SENP1: variants seen among roughly 807,000 people sequenced by gnomAD.
The protein encoded by SENP1 is SUMO specific peptidase 1.
SENP1 carries 21 observed loss-of-function variants against 93.0 expected under a neutral mutation model. The observed-to-expected ratio is 0.23, with a 90% CI of 0.16 to 0.33. The LOEUF is 0.33. Ranked by LOEUF, SENP1 falls within the 10% of genes least tolerant of loss-of-function variation. The pLI, the probability that SENP1 is intolerant of heterozygous loss-of-function variation, is 1.00. For synonymous variants in SENP1, 256 were observed against 259.6 expected (o/e 0.99, Z 0.13); for missense variants, 591 against 758.7 (o/e 0.78, Z 2.60).
intron 9 of SENP1, among the ~76,000 whole-genome samples, chr12:48,067,886 A>T (rs1943406629): frequency 6.6e-6 from 1 of 151,368 alleles, no homozygotes; most frequent in South Asian, 2.1e-4. Flanking sequence ...TTGTTTTTTG[A>T]CTCTCACTCT....
chr12:48,093,977 A>T (rs1489906396), intron 4 of SENP1, among the ~76,000 whole-genome samples: 1 of 152,170 alleles, frequency 6.6e-6, no homozygotes, highest in East Asian at 1.9e-4. Flanking sequence ...AAATTAAAAT[A>T]AAAATACTGA....
chr12:48,105,348 G>C (rs2408955), intron 1 of SENP1: 6 of 517,418 alleles, frequency 1.2e-5, no homozygotes, highest in African/African-American at 1.2e-4. Flanking sequence ...ACGAGGCATA[G>C]ATCCAGAGAT....
intron 13 of SENP1, among the ~76,000 whole-genome samples, chr12:48,059,944 T>C (rs972286245): frequency 1.3e-5 from 2 of 152,182 alleles, no homozygotes; most frequent in Non-Finnish European, 2.9e-5. Context: ...GCTCTAAGAC[T>C]GCTGATTCCT....
intron 3 of SENP1, 32 bp from the exon 4 acceptor site, chr12:48,096,459 C>A (rs1565807766): frequency 2.8e-5 from 38 of 1,348,972 alleles, no homozygotes; most frequent in Admixed American, 2.2e-4. Flanking sequence ...TCTTAAGTCA[C>A]ATTTTTTTTT....
intron 5 of SENP1, among the ~76,000 whole-genome samples, chr12:48,084,096 G>A (rs1310544333): frequency 1.3e-5 from 2 of 152,114 alleles, no homozygotes; most frequent in African/African-American, 4.8e-5. Context: ...AAAAACCTGG[G>A]TTCCAGGTAT....
At chr12:48,104,285 A>AGGGG (rs1946267630) in intron 1 of SENP1, among the ~76,000 whole-genome samples, 1 of 104,052 alleles carries the variant, frequency 9.6e-6, no homozygotes, top group Admixed American at 1.1e-4. Flanking sequence ...GGAGGGAGGG[A>AGGGG]GAGAGAGAGA....
At chr12:48,060,301 C>T (rs532909215) in intron 13 of SENP1, among the ~76,000 whole-genome samples, 6 of 152,186 alleles carry the variant, frequency 3.9e-5, no homozygotes, top group African/African-American at 1.4e-4. Flanking sequence ...AAATTATATC[C>T]ATGTATTTCT....
At chr12:48,086,753 T>C (rs1458061140) in intron 5 of SENP1, among the ~76,000 whole-genome samples, 1 of 152,048 alleles carries the variant, frequency 6.6e-6, no homozygotes, top group Non-Finnish European at 1.5e-5. Context: ...AAAAGGAGGC[T>C]GAGGCTGGGC....
intron 4 of SENP1, among the ~76,000 whole-genome samples, chr12:48,089,865 C>A (rs1945110745): frequency 6.6e-6 from 1 of 152,136 alleles, no homozygotes; most frequent in Non-Finnish European, 1.5e-5. Context: ...TGAAGATATT[C>A]TTTTAAAACA....
chr12:48,071,750 T>C, intron 8 of SENP1, 29 bp from the exon 9 acceptor site: 2 of 1,463,162 alleles, frequency 1.4e-6, no homozygotes, highest in Non-Finnish European at 1.9e-6. Context: ...ATTTCATTAG[T>C]AATAAAACTC....
chr12:48,059,999 T>C (rs1942848870), intron 13 of SENP1, among the ~76,000 whole-genome samples: 1 of 152,140 alleles, frequency 6.6e-6, no homozygotes, highest in African/African-American at 2.4e-5. Flanking sequence ...CTTCTTTTCA[T>C]ACATGCACAA....
At chr12:48,063,639 G>C (rs924779682) in intron 13 of SENP1, 71 bp downstream of exon 13, 2 of 1,491,548 alleles carry the variant, frequency 1.3e-6, no homozygotes, top group African/African-American at 2.8e-5. Context: ...TTGAGAAAAA[G>C]TGAGATAATG....
At chr12:48,077,758 C>T (rs934790530) in intron 6 of SENP1, among the ~76,000 whole-genome samples, 5 of 151,594 alleles carry the variant, frequency 3.3e-5, no homozygotes, top group Non-Finnish European at 5.9e-5. Flanking sequence ...ACAGGCATAA[C>T]GGGTTCATTT....
chr12:48,059,547 T>C (rs1942818487), intron 13 of SENP1, among the ~76,000 whole-genome samples: 2 of 152,214 alleles, frequency 1.3e-5, no homozygotes, highest in African/African-American at 4.8e-5. Context: ...CCTTGTCTGC[T>C]AATTCTATTA....
At chr12:48,101,927 G>A (rs910087238) in intron 1 of SENP1, among the ~76,000 whole-genome samples, 1 of 152,124 alleles carries the variant, frequency 6.6e-6, no homozygotes, top group Non-Finnish European at 1.5e-5. Flanking sequence ...GACAGACTTT[G>A]TGATGGTCCT....
In SENP1 at chr12:48,060,195, A is replaced by C. The variant is rs540982277; in HGVS notation, c.1407+3515T>G. Among the ~76,000 whole-genome samples the C allele has an allele frequency of 2.0e-5, 3 of 152,264 alleles. No individual in the cohort carries two copies. The East Asian group carries it at 5.8e-4, about 29-fold the overall frequency. ...TCCAATGTCTGAAAATTGTTGTTTC[A>C]TCTTTTGTCTAATTTTCTAGTTAAG... On this transcript the variant is annotated intron_variant, in intron 13 of 17. Coordinates refer to ENST00000549518, the MANE Select transcript of SENP1 (RefSeq NM_001267594.2).
intron 5 of SENP1, among the ~76,000 whole-genome samples, chr12:48,087,777 C>T (rs922265971): frequency 6.6e-6 from 1 of 152,124 alleles, no homozygotes; most frequent in Non-Finnish European, 1.5e-5. Flanking sequence ...ATAATAAAAG[C>T]CATCTTGTTG....
intron 13 of SENP1, among the ~76,000 whole-genome samples, chr12:48,050,082 G>A (rs1045311028): frequency 8.5e-5 from 13 of 152,130 alleles, no homozygotes; most frequent in Admixed American, 2.0e-4. Context: ...GAAAGTTATC[G>A]TGCCGGAAGT....
At chr12:48,053,659 T>C (rs1317891661) in intron 13 of SENP1, among the ~76,000 whole-genome samples, 2 of 152,160 alleles carry the variant, frequency 1.3e-5, no homozygotes, top group Non-Finnish European at 2.9e-5. Context: ...TGATGCTGAA[T>C]AGCTGAGAGA....
Sources: allele counts gnomAD v4.1 joint callset (sites outside exome capture counted in the v4.1 genomes callset), GRCh38; gene constraint gnomAD v4.1.1; transcripts MANE v1.5; gene names NCBI Gene and HGNC (gene_info 2026-07-23, HGNC 2026-07-21).